BRME1: variants seen among roughly 807,000 people sequenced by gnomAD.
BRME1 encodes the protein break repair meiotic recombinase recruitment factor 1.
A neutral mutation model predicts 52.6 loss-of-function variants in BRME1; 31 were observed. The observed-to-expected ratio is 0.59, with a 90% CI of 0.44 to 0.80. The LOEUF (loss-of-function observed/expected upper bound fraction) is 0.80. Ranked by LOEUF, BRME1 falls within the 30% of genes least tolerant of loss-of-function variation. BRME1 has a pLI of 0.00. For synonymous variants in BRME1, 359 were observed against 353.6 expected (o/e 1.02, Z -0.17); for missense variants, 804 against 860.3 (o/e 0.93, Z 0.82).
chr19:13,892,751 C>T lies in BRME1; in HGVS notation c.393+35G>A, dbSNP rs774153582. ...AGGCTGGGCCAGGAGGCTGCACCTG[C>T]GCTGGGCTCAGCCTGGCTGATTTTA... On this transcript the variant is annotated intron_variant, in intron 5 of 8. Coordinates refer to ENST00000586783, the MANE Select transcript of BRME1 (RefSeq NM_001345843.2). The T allele has an allele frequency of 8.3e-6, 13 of 1,572,186 alleles. 1 individual carries two copies. The highest frequency in any genetic ancestry group is 2.2e-5 in the South Asian group (2 of 90,098).
At chr19:13,886,556 A>G (rs1969035321) in intron 6 of BRME1, among the ~76,000 whole-genome samples, 1 of 152,206 alleles carries the variant, frequency 6.6e-6, no homozygotes, top group African/African-American at 2.4e-5. Flanking sequence ...CCCAGTGAAT[A>G]CAGGGGAAAG....
intron 2 of BRME1, among the ~76,000 whole-genome samples, chr19:13,898,170 T>C (rs746987473): frequency 6.6e-6 from 1 of 151,998 alleles, no homozygotes; most frequent in Non-Finnish European, 1.5e-5. Flanking sequence ...GGGCCCCAAG[T>C]TCCCAGAGAG....
chr19:13,900,363 G>A (rs1336273620), intron 2 of BRME1, among the ~76,000 whole-genome samples: 1 of 152,268 alleles, frequency 6.6e-6, no homozygotes, highest in East Asian at 1.9e-4. Context: ...CACTGAGCTG[G>A]GGAGTCTACC....
At chr19:13,905,614 G>C (rs1970655344) in intron 1 of BRME1, 101 bp downstream of exon 1, 1 of 152,238 alleles carries the variant, frequency 6.6e-6, no homozygotes, top group African/African-American at 2.4e-5. Context: ...AATGAGCCAA[G>C]ATCGTGCCAC....
intron 2 of BRME1, among the ~76,000 whole-genome samples, chr19:13,898,308 G>A (rs1970047311): frequency 6.6e-6 from 1 of 151,976 alleles, no homozygotes; most frequent in South Asian, 2.1e-4. Context: ...TTCTGCCAAG[G>A]CAGGCAGAAC....
chr19:13,894,807 G>T (rs1449864443), intron 3 of BRME1, among the ~76,000 whole-genome samples: 1 of 152,314 alleles, frequency 6.6e-6, no homozygotes. Context: ...TGTGGAAGAA[G>T]GATGGGTTTG....
intron 2 of BRME1, among the ~76,000 whole-genome samples, chr19:13,899,350 C>T (rs1970144140): frequency 6.6e-6 from 1 of 151,920 alleles, no homozygotes; most frequent in Non-Finnish European, 1.5e-5. Context: ...GGGTTTTCAC[C>T]ACGTTGGCCA....
chr19:13,884,752 C>T (rs76374744), intron 7 of BRME1, among the ~76,000 whole-genome samples: 1,651 of 149,336 alleles, frequency 0.011, 37 homozygotes, highest in African/African-American at 0.041. Flanking sequence ...GGGGGCCACC[C>T]GCCCTAAACC....
chr19:13,900,617 C>G (rs1239150923), intron 2 of BRME1, among the ~76,000 whole-genome samples: 1 of 152,180 alleles, frequency 6.6e-6, no homozygotes, highest in Non-Finnish European at 1.5e-5. Flanking sequence ...AGAAATTTAA[C>G]TTACTTTAGA....
chr19:13,898,223 G>C (rs1465336450), intron 2 of BRME1, among the ~76,000 whole-genome samples: 1 of 152,210 alleles, frequency 6.6e-6, no homozygotes, highest in East Asian at 1.9e-4. Context: ...ACCAAGGCTG[G>C]CACCCCGTCC....
At chr19:13,887,470 G>T (rs558814642) in intron 6 of BRME1, among the ~76,000 whole-genome samples, 2 of 152,194 alleles carry the variant, frequency 1.3e-5, no homozygotes, top group Non-Finnish European at 2.9e-5. Context: ...GGATTTCAGG[G>T]TCTTTTTCCA....
intron 3 of BRME1, among the ~76,000 whole-genome samples, chr19:13,894,750 A>G (rs1256582311): frequency 1.3e-5 from 2 of 152,180 alleles, no homozygotes; most frequent in East Asian, 3.8e-4. Flanking sequence ...GTTAGCTCAC[A>G]TAACAACAAT....
At chr19:13,899,304 A>T (rs554822008) in intron 2 of BRME1, among the ~76,000 whole-genome samples, 28 of 151,962 alleles carry the variant, frequency 1.8e-4, no homozygotes, top group African/African-American at 5.5e-4. Context: ...GCAAGCCACC[A>T]TGCCTGGTTA....
chr19:13,904,255 C>T (rs1013612939), intron 2 of BRME1, among the ~76,000 whole-genome samples: 9 of 152,012 alleles, frequency 5.9e-5, no homozygotes, highest in African/African-American at 2.2e-4. Context: ...AGGTGCCTGC[C>T]ACCACGCCCA....
chr19:13,892,747 C>T (rs768368125), intron 5 of BRME1, 39 bp downstream of exon 5: 27 of 1,568,602 alleles, frequency 1.7e-5, no homozygotes, highest in Non-Finnish European at 2.2e-5. Flanking sequence ...GGAGGCTGCA[C>T]CTGCGCTGGG....
rs1568368576 is a variant in BRME1 at position 13,882,505 on chromosome 19, CG to C, written c.*296del. 5 of 466,880 alleles carry C rather than the reference CG, an allele frequency of 1.1e-5. No homozygotes were observed. Among genetic ancestry groups the C allele is most frequent in the African/African-American group, 1.0e-4 (5 of 49,418 alleles). The allele number at this position is 466,880 out of a possible 1,614,324, so 28.9% of individuals were successfully genotyped here. A position where few individuals can be genotyped will look rare whatever the true frequency, so the allele number is the denominator to read the frequency against. On this transcript the variant is annotated 3_prime_UTR_variant, in exon 9 of 9. Transcript: ENST00000586783. ...CTCAGGACCCTAAAATTTGCAAATC[CG>C]GACAGGATGGGCCCTGCTCAGAGGT...
rs773205969 is a variant in BRME1 at position 13,889,198 on chromosome 19, G to A, written c.1658C>T (p.Pro553Leu). 6.3e-7 allele frequency: 1 copy of A among 1,583,712 alleles called. No individual in the cohort carries two copies. Among genetic ancestry groups the A allele is most frequent in the East Asian group, 2.2e-5 (1 of 44,596 alleles). The change falls in exon 6 of 9, where the codon CCA (proline) becomes CTA (leucine). Residue 553 changes from proline (P) to leucine (L), a missense_variant. Pro to Leu is a moderately conservative substitution (Grantham distance 98). Coordinates refer to ENST00000586783, the MANE Select transcript of BRME1 (RefSeq NM_001345843.2). ...CAGGGCAGCTCTCACCTGCTCAGGT[G>A]GGGCTTCGAAGTCAGAGGCGTCCAG... is the stretch of plus-strand genomic sequence containing the variant. ...DALDASDFEA[P>L]PEQLFPSGNK...
At position 13,882,430 on chromosome 19, in the gene BRME1, G is replaced by T; in HGVS notation, c.*372C>A. ...AATGGGGAGAAAGAAAACAAAGGGAGCTCTCTTCTCCTCCAGGAAAGAAAC... is the reference window on the plus strand; with the variant it reads ...AATGGGGAGAAAGAAAACAAAGGGATCTCTCTTCTCCTCCAGGAAAGAAAC... On this transcript the variant is annotated 3_prime_UTR_variant, in exon 9 of 9. Coordinates refer to ENST00000586783, the MANE Select transcript of BRME1 (RefSeq NM_001345843.2). 1 of 411,202 alleles carries T rather than the reference G, an allele frequency of 2.4e-6. No homozygotes were observed. The highest frequency in any genetic ancestry group is 4.3e-6 in the Non-Finnish European group (1 of 233,604). 25.5% of individuals were successfully genotyped at this position (411,202 alleles called of 1,614,324 possible).
intron 3 of BRME1, among the ~76,000 whole-genome samples, 195 bp downstream of exon 3, chr19:13,895,177 C>T (rs539867648): frequency 6.6e-6 from 1 of 152,246 alleles, no homozygotes; most frequent in East Asian, 1.9e-4. Context: ...CCATGCCCGG[C>T]TAAAACATCA....
Sources: allele counts gnomAD v4.1 joint callset (sites outside exome capture counted in the v4.1 genomes callset), GRCh38; gene constraint gnomAD v4.1.1; transcripts MANE v1.5; gene names NCBI Gene and HGNC (gene_info 2026-07-23, HGNC 2026-07-21).